Variants in TP53BP2 observed in about 807,000 individuals in gnomAD.
The protein encoded by TP53BP2 is apoptosis-stimulating of p53 protein 2.
Under a neutral mutation model 126.2 loss-of-function variants are expected in TP53BP2, and 62 were observed. That is an observed-to-expected ratio of 0.49 (90% CI 0.40 to 0.61). The LOEUF (loss-of-function observed/expected upper bound fraction) is 0.61, where lower values mean the gene tolerates loss of function less well. Among genes scored for constraint, TP53BP2 ranks in the 20% least tolerant of loss-of-function variants. The pLI, the probability that TP53BP2 is intolerant of heterozygous loss-of-function variation, is 0.00. For missense variants in TP53BP2, 1,215 were observed against 1,402.8 expected (o/e 0.87, Z 2.14); for synonymous variants, 485 against 502.9 (o/e 0.96, Z 0.48).
chr1:223,827,012 C>T (rs1663520493), intron 1 of TP53BP2, among the ~76,000 whole-genome samples: 1 of 152,028 alleles, frequency 6.6e-6, no homozygotes, highest in Non-Finnish European at 1.5e-5. Context: ...GCACTAGGTA[C>T]AAAGTGAGGA....
Position 223,814,060 on chromosome 1 carries a change from C to T in TP53BP2, c.289+180G>A, listed in dbSNP as rs185604934. ...AACCCCCTGCTCTAATGACTCCTTC[C>T]CACCTGCATTAAACAACTATAGTCA... On this transcript the variant is annotated intron_variant, in intron 3 of 17. Transcript: ENST00000343537. 4 of 559,152 alleles carry T rather than the reference C, an allele frequency of 7.2e-6. No individual in the cohort carries two copies. The East Asian group carries it at 1.1e-4, about 16-fold the overall frequency. 34.6% of individuals were successfully genotyped at this position (559,152 alleles called of 1,614,324 possible).
intron 9 of TP53BP2, 125 bp from the exon 10 acceptor site, chr1:223,800,935 A>C: frequency 1.6e-6 from 1 of 611,790 alleles, no homozygotes; most frequent in Non-Finnish European, 2.8e-6. Flanking sequence ...ACCCCAATAA[A>C]TTTACTTAGA....
intron 17 of TP53BP2, 101 bp from the exon 18 acceptor site, chr1:223,780,995 G>T: frequency 8.9e-7 from 1 of 1,129,192 alleles, no homozygotes; most frequent in Non-Finnish European, 1.3e-6. Flanking sequence ...GTCATGGGAA[G>T]GAAATCAAAG....
chr1:223,838,108 G>C (rs920084705), intron 1 of TP53BP2, among the ~76,000 whole-genome samples: 2 of 152,060 alleles, frequency 1.3e-5, no homozygotes, highest in African/African-American at 4.8e-5. Flanking sequence ...AGTAGCCATC[G>C]CAGTCACATT....
At chr1:223,799,839 T>C in intron 11 of TP53BP2, 60 bp downstream of exon 11, 1 of 1,481,214 alleles carries the variant, frequency 6.8e-7, no homozygotes, top group South Asian at 1.4e-5. Context: ...CTTTATCCCT[T>C]CTAAAAACTG....
chr1:223,807,337 GA>G (rs1662758557), intron 4 of TP53BP2, among the ~76,000 whole-genome samples: 1 of 152,054 alleles, frequency 6.6e-6, no homozygotes, highest in African/African-American at 2.4e-5. Context: ...TTAGTCATTG[GA>G]ATATCATTTA....
chr1:223,834,517 CCAA>C (rs1293151515), intron 1 of TP53BP2, among the ~76,000 whole-genome samples: 5 of 152,050 alleles, frequency 3.3e-5, no homozygotes, highest in Admixed American at 1.3e-4. Context: ...AGTAGTTAAC[CCAA>C]CAACAATAGC....
intron 2 of TP53BP2, 45 bp from the exon 3 acceptor site, chr1:223,814,398 A>T (rs988770894): frequency 7.6e-7 from 1 of 1,312,566 alleles, no homozygotes; most frequent in East Asian, 2.3e-5. Flanking sequence ...GGTAAAAGAA[A>T]GATAAATATA....
At chr1:223,782,927 G>A (rs1293058355) in intron 17 of TP53BP2, among the ~76,000 whole-genome samples, 3 of 152,118 alleles carry the variant, frequency 2.0e-5, no homozygotes, top group Non-Finnish European at 4.4e-5. Context: ...CAGCAGTCAA[G>A]GTGTATAAGT....
rs1661740722 is a variant in TP53BP2, at chr1:223,780,719, TA to T, written c.*133del. The T allele has an allele frequency of 2.5e-6, 2 of 815,812 alleles. No homozygotes were observed. The highest frequency in any genetic ancestry group is 3.9e-6 in the Non-Finnish European group (2 of 511,116). 50.5% of individuals were successfully genotyped at this position (815,812 alleles called of 1,614,324 possible). A position where few individuals can be genotyped will look rare whatever the true frequency, so the allele number is the denominator to read the frequency against. On this transcript the variant is annotated 3_prime_UTR_variant, in exon 18 of 18. Coordinates refer to ENST00000343537, the MANE Select transcript of TP53BP2 (RefSeq NM_001031685.3). ...AATTCTTCAATCCTTCATTCTCTTC[TA>T]GAGACATTCTTCATCGCTTTCAAGC... is the stretch of plus-strand genomic sequence containing the variant.
At chr1:223,836,188 A>G (rs1323335016) in intron 1 of TP53BP2, among the ~76,000 whole-genome samples, 4 of 152,252 alleles carry the variant, frequency 2.6e-5, no homozygotes, top group African/African-American at 7.2e-5. Context: ...TCAATGCACA[A>G]AATTTGTTTT....
chr1:223,841,237 C>T (rs1006801362), intron 1 of TP53BP2, among the ~76,000 whole-genome samples: 3 of 92,792 alleles, frequency 3.2e-5, no homozygotes, highest in African/African-American at 1.2e-4. Context: ...AGTGGTGAGA[C>T]TCCGTCTCAA....
chr1:223,794,719 C>A (rs1662260139), intron 13 of TP53BP2, among the ~76,000 whole-genome samples: 1 of 152,172 alleles, frequency 6.6e-6, no homozygotes, highest in Admixed American at 6.5e-5. Flanking sequence ...CAAAGAGAAT[C>A]AAGCCTCAGA....
chr1:223,831,480 A>AAAAAAATATAT (rs1287271743), intron 1 of TP53BP2, among the ~76,000 whole-genome samples: 2 of 32,468 alleles, frequency 6.2e-5, no homozygotes, highest in Non-Finnish European at 1.3e-4. Context: ...AAAAAAAAAA[A>AAAAAAATATAT]ATATATATAT....
intron 1 of TP53BP2, among the ~76,000 whole-genome samples, chr1:223,834,210 A>G (rs1464941421): frequency 2.0e-5 from 3 of 152,200 alleles, no homozygotes; most frequent in African/African-American, 4.8e-5. Flanking sequence ...AAAAGTCACT[A>G]GAGTAGTGAT....
At chr1:223,842,010 C>G (rs114438436) in intron 1 of TP53BP2, among the ~76,000 whole-genome samples, 1 of 151,302 alleles carries the variant, frequency 6.6e-6, no homozygotes, top group African/African-American at 2.4e-5. Flanking sequence ...TTCGCGATCT[C>G]GGCTCACTGC....
rs554794944 is a variant in TP53BP2, at chr1:223,803,370, C to T, written c.732G>A (p.Leu244=). 21 of 1,613,994 alleles carry T rather than the reference C, an allele frequency of 1.3e-5. No homozygotes were observed. The East Asian group carries it at 4.0e-4, about 31-fold the overall frequency. Residue 244 remains leucine, a synonymous_variant, in exon 7 of 18, where the codon CTG becomes CTA. Transcript: ENST00000343537. The stretch of plus-strand genomic sequence containing the variant: ...TCTTGAGCATCTCTAGCTGCCTGGT[C>T]AGTTCTTCTACTTTTGACACAGCCA... ...LVLAVSKVEE[L]TRQLEMLKNG...
At chr1:223,794,966 G>C (rs1662268229) in intron 13 of TP53BP2, among the ~76,000 whole-genome samples, 2 of 152,116 alleles carry the variant, frequency 1.3e-5, no homozygotes, top group Admixed American at 6.5e-5. Flanking sequence ...CTTTTCACCA[G>C]GTTTTAAATT....
At chr1:223,798,171 G>A (rs1385615427) in intron 12 of TP53BP2, 44 bp downstream of exon 12, 1 of 1,542,488 alleles carries the variant, frequency 6.5e-7, no homozygotes, top group Non-Finnish European at 8.8e-7. Context: ...TTAAGTTCTG[G>A]TATAGAACTT....
Sources: allele counts gnomAD v4.1 joint callset (sites outside exome capture counted in the v4.1 genomes callset), GRCh38; gene constraint gnomAD v4.1.1; transcripts MANE v1.5; gene names NCBI Gene and HGNC (gene_info 2026-07-23, HGNC 2026-07-21).